The following IQGAP2 variants were observed in gnomAD, a reference collection of about 807,000 sequenced individuals.
IQGAP2 encodes IQ motif containing GTPase activating protein 2, also known as ras GTPase-activating-like protein IQGAP2.
IQGAP2 carries 173 observed loss-of-function variants against 201.3 expected under a neutral mutation model. The ratio of observed to expected loss-of-function variants is 0.86; its 90% confidence interval spans 0.76 to 0.98. IQGAP2 has a LOEUF of 0.98. Ranked by LOEUF, IQGAP2 falls within the 50% of genes least tolerant of loss-of-function variation. The pLI, the probability that IQGAP2 is intolerant of heterozygous loss-of-function variation, is 0.00. For synonymous variants in IQGAP2, 675 were observed against 673.9 expected (o/e 1.00, Z -0.03); for missense variants, 1,687 against 1,864.8 (o/e 0.90, Z 1.76).
chr5:76,604,269 G>A (rs766604464), intron 11 of IQGAP2, among the ~76,000 whole-genome samples: 4 of 151,662 alleles, frequency 2.6e-5, no homozygotes, highest in Admixed American at 6.6e-5. Flanking sequence ...GAGAATGATG[G>A]TTTCCAGCTT....
chr5:76,637,293 T>C, intron 16 of IQGAP2, 117 bp downstream of exon 16: 1 of 824,408 alleles, frequency 1.2e-6, no homozygotes, highest in Non-Finnish European at 1.8e-6. Flanking sequence ...GAAGTCTGGA[T>C]ATGTAATAAA....
chr5:76,589,023 C>T, intron 6 of IQGAP2, 50 bp downstream of exon 6: 1 of 1,321,002 alleles, frequency 7.6e-7, no homozygotes. Context: ...ATAAAAAGTA[C>T]CAATACCTGG....
intron 5 of IQGAP2, among the ~76,000 whole-genome samples, chr5:76,580,896 A>G (rs1334617360): frequency 4.6e-5 from 7 of 152,212 alleles, no homozygotes; most frequent in Non-Finnish European, 8.8e-5. Context: ...GTTTAACCTT[A>G]TTAGCTTACT....
chr5:76,636,534 G>C (rs1268985161), intron 15 of IQGAP2, among the ~76,000 whole-genome samples: 1 of 152,080 alleles, frequency 6.6e-6, no homozygotes, highest in East Asian at 1.9e-4. Context: ...ATGCCATTTT[G>C]TACTTTGAGT....
At chr5:76,512,647 G>A (rs976734063) in intron 2 of IQGAP2, among the ~76,000 whole-genome samples, 4 of 152,176 alleles carry the variant, frequency 2.6e-5, no homozygotes, top group Non-Finnish European at 4.4e-5. Flanking sequence ...CTGAGGATGT[G>A]GAAGTTTACA....
At chr5:76,462,987 G>A (rs1290559263) in intron 2 of IQGAP2, among the ~76,000 whole-genome samples, 1 of 151,878 alleles carries the variant, frequency 6.6e-6, no homozygotes, top group Non-Finnish European at 1.5e-5. Flanking sequence ...TGATTCATAG[G>A]CATTAGAAAG....
At chr5:76,666,748 C>A (rs929052361) in intron 22 of IQGAP2, among the ~76,000 whole-genome samples, 1 of 152,114 alleles carries the variant, frequency 6.6e-6, no homozygotes, top group African/African-American at 2.4e-5. Flanking sequence ...TTTAGCAAGA[C>A]TTCTTTTTTT....
At chr5:76,658,429 A>G (rs556762266) in intron 20 of IQGAP2, 30 bp from the exon 21 acceptor site, 5 of 1,545,042 alleles carry the variant, frequency 3.2e-6, no homozygotes, top group Admixed American at 1.7e-5. Flanking sequence ...AGCTTTCCTA[A>G]TTAAAGTATA....
intron 11 of IQGAP2, 103 bp downstream of exon 11, chr5:76,601,075 C>T (rs1349557863): frequency 3.6e-6 from 4 of 1,102,316 alleles, no homozygotes; most frequent in East Asian, 2.5e-5. Context: ...ATATACCATG[C>T]TCATGTTTCT....
At position 76,674,716 on chromosome 5, in the gene IQGAP2, G is replaced by A. The variant is rs764844563; in HGVS notation, c.3527+7G>A. 6.3e-7 allele frequency: 1 copy of A among 1,586,488 alleles called. No homozygotes were observed. Reference sequence around the variant, plus strand: ...AGACGTATCAGGAATTCAGGTGAGAGGGGCCCTTAGTTTTGGAGAAACGTG... The same window carrying A: ...AGACGTATCAGGAATTCAGGTGAGAAGGGCCCTTAGTTTTGGAGAAACGTG... On this transcript the variant is annotated splice_region_variant and intron_variant, in intron 27 of 35. Transcript: ENST00000274364.
intron 21 of IQGAP2, 49 bp from the exon 22 acceptor site, chr5:76,664,977 T>TA: frequency 1.9e-6 from 2 of 1,039,062 alleles, no homozygotes; most frequent in Non-Finnish European, 2.9e-6. Context: ...AGGGAGGAGA[T>TA]AAAGAGTATG....
intron 2 of IQGAP2, among the ~76,000 whole-genome samples, chr5:76,515,248 T>C (rs1485389433): frequency 6.6e-6 from 1 of 152,256 alleles, no homozygotes; most frequent in Non-Finnish European, 1.5e-5. Flanking sequence ...TTTACCTATT[T>C]TTCCTTTTAG....
chr5:76,663,796 GTGCTGAGATCACAGGCATGA>G (rs1743486797), intron 21 of IQGAP2, among the ~76,000 whole-genome samples: 1 of 151,816 alleles, frequency 6.6e-6, no homozygotes, highest in African/African-American at 2.4e-5. Flanking sequence ...GCCTCCCAAA[GTGCTGAGATCACAGGCATGA>G]GCCACCACAC....
rs532362068 is a variant in IQGAP2, at chr5:76,538,087, C to T, written c.147-24309C>T. Among the ~76,000 whole-genome samples the T allele has an allele frequency of 7.2e-4, 110 of 152,272 alleles. No homozygotes were observed. The Middle Eastern group carries it at 0.017, about 24-fold the overall frequency. On this transcript the variant is annotated intron_variant, in intron 2 of 35. Transcript: ENST00000274364. Reference sequence around the variant, plus strand: ...AACAGACTCACAGTTCCACATGCGGCTAGGAAGGCCTCACAATCACGGCAG... The same window carrying T: ...AACAGACTCACAGTTCCACATGCGGTTAGGAAGGCCTCACAATCACGGCAG...
chr5:76,650,416 A>G (rs748751897), intron 17 of IQGAP2, among the ~76,000 whole-genome samples: 12 of 152,218 alleles, frequency 7.9e-5, no homozygotes, highest in Admixed American at 3.3e-4. Flanking sequence ...TTCACTGTGT[A>G]TTTTAATAGA....
intron 2 of IQGAP2, among the ~76,000 whole-genome samples, chr5:76,470,861 G>A (rs763384329): frequency 1.1e-4 from 16 of 152,094 alleles, no homozygotes; most frequent in Non-Finnish European, 1.9e-4. Context: ...TGGGGCTTTT[G>A]CTGAAATGAA....
At chr5:76,693,522 C>G in intron 31 of IQGAP2, 80 bp downstream of exon 31, 1 of 909,036 alleles carries the variant, frequency 1.1e-6, no homozygotes, top group South Asian at 1.5e-5. Context: ...TGTTTATTAT[C>G]TCAGAGAAAC....
rs1030247857 is a variant in IQGAP2, at chr5:76,663,223, G to A, written c.2530-1803G>A. ...TGCTGATAGCCGGTGGTGGGAAGTG[G>A]CCAGGGTGATAGACGCTGGTAGTGC... On this transcript the variant is annotated intron_variant, in intron 21 of 35. Transcript: ENST00000274364. Among the ~76,000 whole-genome samples, 3 of 152,200 alleles carry A rather than the reference G, an allele frequency of 2.0e-5. No homozygotes were observed. The South Asian group carries it at 6.2e-4, about 32-fold the overall frequency.
intron 2 of IQGAP2, among the ~76,000 whole-genome samples, chr5:76,549,580 T>C (rs1192398578): frequency 2.6e-5 from 4 of 152,050 alleles, no homozygotes; most frequent in African/African-American, 7.3e-5. Context: ...ATACCACAGA[T>C]TGGGAGGCTT....
Sources: gnomAD v4.1 joint callset for allele counts (sites outside exome capture counted in the v4.1 genomes callset) on GRCh38, gnomAD v4.1.1 for gene constraint, MANE v1.5 for transcripts, NCBI Gene and HGNC (gene_info 2026-07-23, HGNC 2026-07-21) for gene names.